SDK1: variants seen among roughly 807,000 people sequenced by gnomAD.
SDK1 encodes sidekick cell adhesion molecule 1.
Under a neutral mutation model 245.5 loss-of-function variants are expected in SDK1, and 157 were observed. The ratio of observed to expected loss-of-function variants is 0.64; its 90% CI spans 0.56 to 0.73. The LOEUF is 0.73. Among genes scored for constraint, SDK1 ranks in the 30% least tolerant of loss-of-function variants. The pLI is 0.00. For synonymous variants in SDK1, 1,647 were observed against 1,278.5 expected, an observed-to-expected ratio of 1.29 and a Z score of -6.15; for missense variants, 3,583 against 3,002.3, an observed-to-expected ratio of 1.19 and a Z score of -4.52.
intron 20 of SDK1, among the ~76,000 whole-genome samples, chr7:4,073,412 A>G (rs576658896): frequency 1.3e-5 from 2 of 152,346 alleles, no homozygotes; most frequent in East Asian, 1.9e-4. Context: ...ATCCACAACC[A>G]TTTGAGCACA....
intron 17 of SDK1, among the ~76,000 whole-genome samples, chr7:4,020,180 A>C (rs1292805084): frequency 6.6e-6 from 1 of 151,774 alleles, no homozygotes; most frequent in Non-Finnish European, 1.5e-5. Context: ...TCCCAGGATA[A>C]ATTGGGGGCT....
intron 2 of SDK1, among the ~76,000 whole-genome samples, chr7:3,633,837 G>C (rs6945446): frequency 2.0e-5 from 3 of 151,692 alleles, no homozygotes; most frequent in Admixed American, 6.6e-5. Flanking sequence ...GATTGGGCAG[G>C]AACAGAGTGA....
At chr7:4,149,865 T>C (rs1780238193) in intron 30 of SDK1, among the ~76,000 whole-genome samples, 1 of 152,054 alleles carries the variant, frequency 6.6e-6, no homozygotes, top group African/African-American at 2.4e-5. Context: ...GGAGGGACGT[T>C]GCGTCCCCTT....
intron 1 of SDK1, among the ~76,000 whole-genome samples, chr7:3,577,195 C>T (rs1780322266): frequency 6.6e-6 from 1 of 152,070 alleles, no homozygotes; most frequent in Admixed American, 6.5e-5. Context: ...GCAAGACCCC[C>T]ATAGCCCACC....
chr7:3,647,198 C>G (rs538891570), intron 4 of SDK1, among the ~76,000 whole-genome samples: 1 of 152,340 alleles, frequency 6.6e-6, no homozygotes, highest in Non-Finnish European at 1.5e-5. Flanking sequence ...CTGCAGTGAG[C>G]TGTGATCACG....
intron 2 of SDK1, among the ~76,000 whole-genome samples, chr7:3,627,813 A>T (rs902531406): frequency 6.6e-6 from 1 of 152,114 alleles, no homozygotes; most frequent in African/African-American, 2.4e-5. Flanking sequence ...TCTGAAGTGG[A>T]TGCTCTCTAG....
chr7:4,053,340 C>A (rs1333817987), intron 19 of SDK1, among the ~76,000 whole-genome samples: 1 of 146,460 alleles, frequency 6.8e-6, no homozygotes, highest in Non-Finnish European at 1.5e-5. Context: ...CCTTTATTTC[C>A]GTGTCCTTAC....
At chr7:4,177,777 A>G (rs1396428836) in intron 34 of SDK1, among the ~76,000 whole-genome samples, 1 of 152,212 alleles carries the variant, frequency 6.6e-6, no homozygotes, top group Non-Finnish European at 1.5e-5. Flanking sequence ...ATCATAATAT[A>G]GAATAGAGTG....
intron 1 of SDK1, among the ~76,000 whole-genome samples, chr7:3,440,452 G>C (rs1461451193): frequency 7.0e-6 from 1 of 143,838 alleles, no homozygotes; most frequent in Non-Finnish European, 1.6e-5. Context: ...GGGTACATGT[G>C]TGACCATTAG....
At chr7:3,655,475 A>ATATATATATATATATATATG (rs1783143629) in intron 4 of SDK1, among the ~76,000 whole-genome samples, 1 of 87,796 alleles carries the variant, frequency 1.1e-5, no homozygotes, top group African/African-American at 4.4e-5. Flanking sequence ...ATATATATAT[A>ATATATATATATATATATATG]TATATATATA....
At chr7:3,959,083 C>A in intron 8 of SDK1, 69 bp downstream of exon 8, 1 of 1,158,482 alleles carries the variant, frequency 8.6e-7, no homozygotes, top group Non-Finnish European at 1.3e-6. Flanking sequence ...TTTTCCATAG[C>A]AGAATTGCCA....
intron 29 of SDK1, among the ~76,000 whole-genome samples, chr7:4,146,697 G>A (rs1363503404): frequency 1.3e-5 from 2 of 152,246 alleles, no homozygotes; most frequent in African/African-American, 4.8e-5. Context: ...TGCTCAGTAA[G>A]TAAGTTTTCC....
At chr7:3,678,830 A>C (rs1415154580) in intron 4 of SDK1, among the ~76,000 whole-genome samples, 1 of 152,228 alleles carries the variant, frequency 6.6e-6, no homozygotes, top group East Asian at 1.9e-4. Context: ...AGGGGAGGAA[A>C]GGTGATCTTT....
chr7:3,839,409 T>C (rs1399065466), intron 5 of SDK1, among the ~76,000 whole-genome samples: 1 of 152,198 alleles, frequency 6.6e-6, no homozygotes, highest in Non-Finnish European at 1.5e-5. Flanking sequence ...AATCAAGTTG[T>C]CAGCCAATAG....
intron 1 of SDK1, among the ~76,000 whole-genome samples, chr7:3,570,623 C>A (rs569003330): frequency 2.6e-5 from 4 of 152,154 alleles, no homozygotes; most frequent in Non-Finnish European, 5.9e-5. Flanking sequence ...TTCTTGTTTT[C>A]TAATGATAGG....
At chr7:3,423,584 T>C (rs1006458617) in intron 1 of SDK1, among the ~76,000 whole-genome samples, 2 of 151,794 alleles carry the variant, frequency 1.3e-5, no homozygotes, top group African/African-American at 2.4e-5. Flanking sequence ...TTTTTTTTTT[T>C]CAGTTTTGTT....
At chr7:3,481,116 T>G (rs1311795963) in intron 1 of SDK1, among the ~76,000 whole-genome samples, 1 of 152,208 alleles carries the variant, frequency 6.6e-6, no homozygotes, top group Non-Finnish European at 1.5e-5. Context: ...TTTTTACCAT[T>G]TTATTTTGTC....
At position 3,493,331 on chromosome 7, in the gene SDK1, C is replaced by T. The variant is rs190793368; in HGVS notation, c.299-125749C>T. Among the ~76,000 whole-genome samples, 132 of 152,324 alleles carry T rather than the reference C, an allele frequency of 8.7e-4. 5 individuals carry two copies. The highest frequency in any genetic ancestry group is 5.8e-3 in the East Asian group (30 of 5,190). ...TAACTGTCCATTCAGGACATTTCTTCACAGCTAAACTCTACCTCAGTTTTT... is the reference window on the plus strand; with the variant it reads ...TAACTGTCCATTCAGGACATTTCTTTACAGCTAAACTCTACCTCAGTTTTT... On this transcript the variant is annotated intron_variant, in intron 1 of 44. Coordinates refer to ENST00000404826, the MANE Select transcript of SDK1 (RefSeq NM_152744.4).
intron 25 of SDK1, among the ~76,000 whole-genome samples, chr7:4,117,297 AT>A (rs1048314174): frequency 2.8e-4 from 43 of 152,188 alleles, no homozygotes; most frequent in African/African-American, 9.9e-4. Context: ...GTGAGACCCC[AT>A]CTCTACAAAA....
Sources: allele counts gnomAD v4.1 joint callset (sites outside exome capture counted in the v4.1 genomes callset), GRCh38; gene constraint gnomAD v4.1.1; transcripts MANE v1.5; gene names NCBI Gene and HGNC (gene_info 2026-07-23, HGNC 2026-07-21).